WWP2: variants seen among roughly 807,000 people sequenced by gnomAD.
The protein encoded by WWP2 is NEDD4-like E3 ubiquitin-protein ligase WWP2.
In WWP2, 57 loss-of-function variants were observed where a neutral mutation model predicts 121.0. The ratio of observed to expected loss-of-function variants is 0.47; its 90% CI spans 0.38 to 0.59. The LOEUF (loss-of-function observed/expected upper bound fraction) is 0.59. Among genes scored for constraint, WWP2 ranks in the 20% least tolerant of loss-of-function variants. WWP2 has a pLI of 0.00. For synonymous variants in WWP2, 449 were observed against 441.3 expected (o/e 1.02, Z -0.22); for missense variants, 962 against 1,158.9 (o/e 0.83, Z 2.47).
intron 8 of WWP2, among the ~76,000 whole-genome samples, chr16:69,898,320 T>TC (rs1353498217): frequency 1.3e-5 from 2 of 151,880 alleles, no homozygotes; most frequent in African/African-American, 4.8e-5. Context: ...GAGCCACCAC[T>TC]CCCAGCCAGT....
At position 69,844,314 on chromosome 16, in the gene WWP2, C is replaced by T. The variant is rs74027204; in HGVS notation, c.575+2194C>T. Among the ~76,000 whole-genome samples the T allele has an allele frequency of 8.0e-3, 1,222 of 152,178 alleles. 16 individuals carry two copies. The highest frequency in any genetic ancestry group is 0.028 in the African/African-American group (1,151 of 41,518). On this transcript the variant is annotated intron_variant, in intron 6 of 23. Coordinates refer to ENST00000359154, the MANE Select transcript of WWP2 (RefSeq NM_001270454.2). ...GAAACAATTTCTTAAGCTAGAACAG[C>T]GGTGGGCGAGGAATACTTGAGCATT...
chr16:69,869,902 T>G (rs920446836), intron 6 of WWP2, among the ~76,000 whole-genome samples: 1 of 152,208 alleles, frequency 6.6e-6, no homozygotes, highest in Non-Finnish European at 1.5e-5. Context: ...AGCAGGGTCG[T>G]TCTGCTGGAG....
At chr16:69,854,182 A>C (rs12019048) in intron 6 of WWP2, among the ~76,000 whole-genome samples, 22,563 of 152,252 alleles carry the variant, frequency 0.15, 1,981 homozygotes, top group East Asian at 0.4. Flanking sequence ...TTTAGAGAGA[A>C]GCCAATAAAA....
chr16:69,876,649 C>G lies in WWP2; in HGVS notation c.703+4718C>G, dbSNP rs28813707. 2.1e-3 allele frequency among the ~76,000 whole-genome samples: 324 copies of G among 152,302 alleles called. 3 individuals carry two copies. The highest frequency in any genetic ancestry group is 7.1e-3 in the African/African-American group (296 of 41,568). ...AAAGTGCTGAGATTATAGGCGTGAG[C>G]CACTGTGCCCAGCCATAAAATGTAT... is the stretch of plus-strand genomic sequence containing the variant. On this transcript the variant is annotated intron_variant, in intron 7 of 23. Coordinates refer to ENST00000359154, the MANE Select transcript of WWP2 (RefSeq NM_001270454.2).
rs911165361 is a variant in WWP2, at chr16:69,936,372, G to A, written c.2037G>A (p.Leu679=). Residue 679 remains leucine, a synonymous_variant, in exon 19 of 24, where the codon CTG becomes CTA. Coordinates refer to ENST00000359154, the MANE Select transcript of WWP2 (RefSeq NM_001270454.2). ...ELYFIQDMEI[L]GKVTTHELKE... Reference sequence around the variant, plus strand: ...ACTTCATCCAGGACATGGAGATACTGGGCAAGGTGACGACCCACGAGCTGA... The same window carrying A: ...ACTTCATCCAGGACATGGAGATACTAGGCAAGGTGACGACCCACGAGCTGA... 2 of 1,614,110 alleles carry A rather than the reference G, an allele frequency of 1.2e-6. No individual in the cohort carries two copies. The highest frequency in any genetic ancestry group is 1.1e-5 in the South Asian group (1 of 91,076).
chr16:69,860,426 A>T (rs868528552), intron 6 of WWP2, among the ~76,000 whole-genome samples: 1 of 152,344 alleles, frequency 6.6e-6, no homozygotes. Flanking sequence ...AGTGACACAT[A>T]GCAGTGCCAT....
rs1364870991 is a variant in WWP2 at position 69,931,492 on chromosome 16, T to A, written c.1522-17T>A. On this transcript the variant is annotated splice_polypyrimidine_tract_variant and intron_variant, in intron 14 of 23. Transcript: ENST00000359154. ...CTTGAGGCTCGATTTAAAGTTCTTT[T>A]CTTTTTTTTTTTTCAGTCAAATGCC... The A allele has an allele frequency of 6.2e-7, 1 of 1,611,794 alleles. No homozygotes were observed. Among genetic ancestry groups the A allele is most frequent in the Non-Finnish European group, 8.5e-7 (1 of 1,178,798 alleles).
intron 8 of WWP2, among the ~76,000 whole-genome samples, chr16:69,902,416 C>T (rs191612256): frequency 2.0e-4 from 31 of 152,290 alleles, no homozygotes; most frequent in African/African-American, 5.3e-4. Context: ...TGCAGTCAGA[C>T]GGAGACTGCT....
intron 10 of WWP2, among the ~76,000 whole-genome samples, chr16:69,919,783 C>T (rs2058531299): frequency 6.7e-6 from 1 of 149,114 alleles, no homozygotes; most frequent in Admixed American, 6.7e-5. Context: ...AGCTGGGTCC[C>T]TGACTTTTTT....
In WWP2 at chr16:69,846,044, C is replaced by A. The variant is rs1395793931; in HGVS notation, c.575+3924C>A. 1.6e-3 allele frequency among the ~76,000 whole-genome samples: 7 copies of A among 4,320 alleles called. No homozygotes were observed. The South Asian group carries it at 0.078, about 48-fold the overall frequency. 2.8% of individuals were successfully genotyped at this position (4,320 alleles called of 152,430 possible). A position where few individuals can be genotyped will look rare whatever the true frequency, so the allele number is the denominator to read the frequency against. ...CAGCCTGGGTGACAGAGCCAGACTC[C>A]ATCTCAAAAAAAAAAAAAAAAAAAA... On this transcript the variant is annotated intron_variant, in intron 6 of 23. Transcript: ENST00000359154.
intron 4 of WWP2, among the ~76,000 whole-genome samples, chr16:69,815,105 C>T (rs908211157): frequency 4.6e-5 from 7 of 151,964 alleles, no homozygotes; most frequent in African/African-American, 7.2e-5. Context: ...TGGGTTCAAG[C>T]GATTCTCCTG....
Position 69,925,821 on chromosome 16 carries a change from A to G in WWP2, c.1234+337A>G, listed in dbSNP as rs931287443. ...CTCAAGAGTCCATGCTACCACTAAG[A>G]TATTTTGACACTGCCTAACTCCCAA... On this transcript the variant is annotated intron_variant, in intron 11 of 23. Coordinates refer to ENST00000359154, the MANE Select transcript of WWP2 (RefSeq NM_001270454.2). The surrounding 1 kb of genome is among the most constrained non-coding windows in gnomAD (Gnocchi z 4.0). 6.6e-6 allele frequency among the ~76,000 whole-genome samples: 1 copy of G among 152,146 alleles called. No homozygotes were observed. Among genetic ancestry groups the G allele is most frequent in the African/African-American group, 2.4e-5 (1 of 41,424 alleles).
At chr16:69,883,398 G>A (rs980103468) in intron 7 of WWP2, among the ~76,000 whole-genome samples, 58 of 96,192 alleles carry the variant, frequency 6.0e-4, no homozygotes, top group Admixed American at 1.1e-3. Flanking sequence ...CTAAGAATGT[G>A]CGCACACACA....
intron 4 of WWP2, among the ~76,000 whole-genome samples, chr16:69,806,074 G>A (rs972737305): frequency 5.4e-5 from 8 of 149,414 alleles, no homozygotes; most frequent in Admixed American, 2.0e-4. Context: ...GATGGTGTAC[G>A]CCTGTAGTCC....
At position 69,883,009 on chromosome 16, in the gene WWP2, C is replaced by T. The variant is rs141145715; in HGVS notation, c.704-5030C>T. ...TTCTACTAAAAATACAAAAATTAGC[C>T]AGGCGTGGTGGCACTCGCTTGTAAT... On this transcript the variant is annotated intron_variant, in intron 7 of 23. Transcript: ENST00000359154. 6.7e-3 allele frequency among the ~76,000 whole-genome samples: 1,016 copies of T among 152,028 alleles called. 4 individuals are homozygous for T. Among genetic ancestry groups the T allele is most frequent in the Non-Finnish European group, 0.012 (800 of 67,982 alleles).
intron 9 of WWP2, chr16:69,909,578 G>A: frequency 1.0e-6 from 1 of 985,348 alleles, no homozygotes; most frequent in African/African-American, 1.7e-5. Flanking sequence ...GAATGCTTGA[G>A]TTTTCCTTTT....
chr16:69,803,372 A>G (rs1447715547), intron 4 of WWP2, among the ~76,000 whole-genome samples: 1 of 150,032 alleles, frequency 6.7e-6, no homozygotes, highest in East Asian at 1.9e-4. Context: ...TTACATAAAA[A>G]AAACATTATC....
intron 8 of WWP2, among the ~76,000 whole-genome samples, chr16:69,897,505 T>C (rs768319509): frequency 5.9e-5 from 9 of 152,194 alleles, no homozygotes; most frequent in Non-Finnish European, 1.2e-4. Context: ...TCATTCCCTG[T>C]ATACAGTGAT....
At chr16:69,844,762 C>T (rs370964763) in intron 6 of WWP2, among the ~76,000 whole-genome samples, 11 of 152,306 alleles carry the variant, frequency 7.2e-5, no homozygotes, top group East Asian at 3.9e-4. Context: ...TAAGCCTTAT[C>T]GGAGTCCTCT....
Sources: allele counts gnomAD v4.1 joint callset (sites outside exome capture counted in the v4.1 genomes callset), GRCh38; gene constraint gnomAD v4.1.1; non-coding constraint Gnocchi (gnomAD v3.1); transcripts MANE v1.5; gene names NCBI Gene and HGNC (gene_info 2026-07-23, HGNC 2026-07-21).